JMJD1C: variants seen among roughly 807,000 people sequenced by gnomAD.
The protein encoded by JMJD1C is jumonji domain-containing protein 1C.
A neutral mutation model predicts 245.3 loss-of-function variants in JMJD1C; 31 were observed. That is an observed-to-expected ratio of 0.13 (90% CI 0.09 to 0.17). The LOEUF is 0.17. Among genes scored for constraint, JMJD1C ranks in the 10% least tolerant of loss-of-function variants. The probability of loss-of-function intolerance (pLI) is 1.00; values close to 1 mark genes in which losing one functional copy is unlikely to be tolerated. For synonymous variants in JMJD1C, 1,057 were observed against 1,017.4 expected (o/e 1.04, Z -0.74); for missense variants, 2,691 against 3,000.2 (o/e 0.90, Z 2.41).
chr10:63,193,407 G>C lies in JMJD1C; in HGVS notation c.5800C>G (p.His1934Asp). Residue 1934 changes from histidine (H) to aspartate (D), a missense_variant, in exon 15 of 26, where the codon CAT becomes GAT. Physicochemically the swap from His to Asp is moderately conservative, Grantham distance 81. This residue lies in a region of JMJD1C where 275 missense variants were observed against 285.5 expected (regional missense o/e 0.96). Transcript: ENST00000399262. ...REKYGIKSHC[H>D]CTNKQNLQVG... ...TGTAAATTCTGTTTGTTAGTACAATGACAATGGGATTTAATACCATATTTT... is the reference window on the plus strand; with the variant it reads ...TGTAAATTCTGTTTGTTAGTACAATCACAATGGGATTTAATACCATATTTT... 6.2e-7 allele frequency: 1 copy of C among 1,600,740 alleles called. No individual in the cohort carries two copies. The highest frequency in any genetic ancestry group is 8.6e-7 in the Non-Finnish European group (1 of 1,169,516).
intron 24 of JMJD1C, among the ~76,000 whole-genome samples, chr10:63,170,284 C>T (rs1310111914): frequency 6.6e-6 from 1 of 152,080 alleles, no homozygotes; most frequent in Non-Finnish European, 1.5e-5. Context: ...TTATTTTCTC[C>T]CTTTGAATGG....
intron 2 of JMJD1C, among the ~76,000 whole-genome samples, chr10:63,299,811 T>G (rs1280226208): frequency 6.6e-6 from 1 of 152,076 alleles, no homozygotes; most frequent in Non-Finnish European, 1.5e-5. Flanking sequence ...AATTCAGAGA[T>G]GATTTTGCCT....
chr10:63,363,658 T>C (rs1257804301), intron 2 of JMJD1C, among the ~76,000 whole-genome samples: 3 of 152,242 alleles, frequency 2.0e-5, no homozygotes, highest in South Asian at 4.1e-4. Flanking sequence ...TAAAATCTGC[T>C]AGCATTCCCC....
At chr10:63,175,926 G>A (rs1437155206) in intron 24 of JMJD1C, among the ~76,000 whole-genome samples, 2 of 152,170 alleles carry the variant, frequency 1.3e-5, no homozygotes, top group Non-Finnish European at 2.9e-5. Context: ...ATGCTAGCAT[G>A]CTGAAGAAAG....
intron 2 of JMJD1C, among the ~76,000 whole-genome samples, chr10:63,331,314 ATTAC>A (rs1489470707): frequency 3.9e-5 from 6 of 152,086 alleles, no homozygotes; most frequent in African/African-American, 1.2e-4. Context: ...CCCACTTCTC[ATTAC>A]TTACTTTTTT....
intron 3 of JMJD1C, among the ~76,000 whole-genome samples, chr10:63,252,428 G>T (rs182351582): frequency 2.0e-5 from 3 of 151,020 alleles, no homozygotes; most frequent in African/African-American, 7.4e-5. Flanking sequence ...TAAGAAAAAA[G>T]ACTAAGGTCT....
intron 3 of JMJD1C, among the ~76,000 whole-genome samples, 156 bp downstream of exon 3, chr10:63,264,495 T>A (rs1855282901): frequency 6.6e-6 from 1 of 152,190 alleles, no homozygotes; most frequent in East Asian, 1.9e-4. Flanking sequence ...AAATCGTTTA[T>A]CCTATAAGCA....
At chr10:63,412,734 T>G (rs1319261155) in intron 1 of JMJD1C, among the ~76,000 whole-genome samples, 1 of 152,218 alleles carries the variant, frequency 6.6e-6, no homozygotes, top group Non-Finnish European at 1.5e-5. Context: ...TATTTTATGG[T>G]AGCAAATGAT....
intron 5 of JMJD1C, among the ~76,000 whole-genome samples, chr10:63,216,578 C>T (rs1486308864): frequency 6.6e-5 from 10 of 151,896 alleles, no homozygotes; most frequent in Non-Finnish European, 1.2e-4. Flanking sequence ...GGCGTGGTGG[C>T]GGGCGCCTGT....
chr10:63,195,941 A>G (rs1336701180), intron 13 of JMJD1C, among the ~76,000 whole-genome samples: 1 of 147,656 alleles, frequency 6.8e-6, no homozygotes, highest in East Asian at 2.0e-4. Flanking sequence ...AAAAAGAAAA[A>G]AGAATGATAC....
At chr10:63,250,609 T>C (rs541841026) in intron 3 of JMJD1C, among the ~76,000 whole-genome samples, 23 of 152,276 alleles carry the variant, frequency 1.5e-4, no homozygotes, top group African/African-American at 5.5e-4. Flanking sequence ...TAACACTAGG[T>C]TTTGTTAAAC....
Position 63,208,828 on chromosome 10 carries a change from T to A in JMJD1C, c.2868-27A>T, listed in dbSNP as rs530601706. Reference sequence around the variant, plus strand: ...TGTAAAGAAAATACACAAATATTTCTGTAACCACTTTTTCCTGCAAAATAC... The same window carrying A: ...TGTAAAGAAAATACACAAATATTTCAGTAACCACTTTTTCCTGCAAAATAC... On this transcript the variant is annotated intron_variant, in intron 9 of 25. Coordinates refer to ENST00000399262, the MANE Select transcript of JMJD1C (RefSeq NM_032776.3). 22 of 1,524,410 alleles carry A rather than the reference T, an allele frequency of 1.4e-5. No individual in the cohort carries two copies. The African/African-American group carries it at 2.6e-4, about 18-fold the overall frequency. The allele number at this position is 1,524,410 out of a possible 1,614,324, so 94.4% of individuals were successfully genotyped here.
intron 3 of JMJD1C, among the ~76,000 whole-genome samples, chr10:63,246,164 A>G (rs1852173256): frequency 6.6e-6 from 1 of 152,230 alleles, no homozygotes. Context: ...GAAAGCAATA[A>G]TAACAGAAAA....
rs1311375776 is a variant in JMJD1C at position 63,202,733 on chromosome 10, T to C, written c.5075-2056A>G. 16 of 985,342 alleles carry C rather than the reference T, an allele frequency of 1.6e-5. No individual in the cohort carries two copies. In the South Asian group the frequency reaches 1.9e-4, roughly 12 times the overall value. 61.0% of individuals were successfully genotyped at this position (985,342 alleles called of 1,614,324 possible). A position where few individuals can be genotyped will look rare whatever the true frequency, so the allele number is the denominator to read the frequency against. ...TATAAACCCATTTCCAGAAGACTTA[T>C]GTAAAATGTTTATTTCCTCCATTGT... On this transcript the variant is annotated intron_variant, in intron 10 of 25. Transcript: ENST00000399262.
chr10:63,207,366 A>T lies in JMJD1C; in HGVS notation c.4303T>A (p.Ser1435Thr), dbSNP rs1251396835. 3 of 1,613,880 alleles carry T rather than the reference A, an allele frequency of 1.9e-6. No individual in the cohort carries two copies. Among genetic ancestry groups the T allele is most frequent in the Non-Finnish European group, 2.5e-6 (3 of 1,180,036 alleles). The change falls in exon 10 of 26, where the codon TCA becomes ACA. Residue 1435 changes from serine (S) to threonine (T), a missense_variant. Ser to Thr is a moderately conservative substitution (Grantham distance 58). This residue lies in a region of JMJD1C where 1,562 missense variants were observed against 1,490.7 expected (regional missense o/e 1.05). Transcript: ENST00000399262. ...GCCACTGGCTGACTGACACTTTTTG[A>T]AGATACACATTCTGATGATGTAGAG... ...LASTSSECVS[S>T]KSVSQPVAQK...
chr10:63,503,781 T>C (rs986977506), intron 1 of JMJD1C, among the ~76,000 whole-genome samples: 3 of 152,236 alleles, frequency 2.0e-5, no homozygotes, highest in African/African-American at 7.2e-5. Flanking sequence ...GGATACTTGT[T>C]GATTAATTTG....
chr10:63,207,663 C>T lies in JMJD1C; in HGVS notation c.4006G>A (p.Gly1336Arg). 6.2e-7 allele frequency: 1 copy of T among 1,614,088 alleles called. No individual in the cohort carries two copies. The highest frequency in any genetic ancestry group is 1.7e-5 in the Admixed American group (1 of 60,014). Residue 1336 changes from glycine to arginine, a missense_variant, in exon 10 of 26, where the codon GGG becomes AGG. Coordinates refer to ENST00000399262, the MANE Select transcript of JMJD1C (RefSeq NM_032776.3). ...KDRVSERSSA[G>R]AHKTDCLKLA... ...TTGAGGCAATCTGTTTTATGTGCCC[C>T]AGCTGAAGATCTTTCACTAACACGA... is the stretch of plus-strand genomic sequence containing the variant.
rs200011905 is a variant in JMJD1C at position 63,261,406 on chromosome 10, A to AC, written c.447+3244dup. ...GACCAGCCTGGTCAACATGGCGAAA[A>AC]CCCATCTCTACTGAAAATACAAATA... On this transcript the variant is annotated intron_variant, in intron 3 of 25. Coordinates refer to ENST00000399262, the MANE Select transcript of JMJD1C (RefSeq NM_032776.3). Among the ~76,000 whole-genome samples the AC allele has an allele frequency of 1.1e-4, 17 of 151,964 alleles. No homozygotes were observed. In the East Asian group the frequency reaches 3.3e-3, roughly 30 times the overall value.
At chr10:63,509,459 CTGG>C (rs1954812464) in intron 1 of JMJD1C, among the ~76,000 whole-genome samples, 1 of 152,186 alleles carries the variant, frequency 6.6e-6, no homozygotes. Context: ...CTTCTGTCTT[CTGG>C]AAAAGATTGT....
Sources: gnomAD v4.1 joint callset for allele counts (sites outside exome capture counted in the v4.1 genomes callset) on GRCh38, gnomAD v4.1.1 for gene constraint, gnomAD v4.1.1 regional missense constraint, MANE v1.5 for transcripts, NCBI Gene and HGNC (gene_info 2026-07-23, HGNC 2026-07-21) for gene names.